Variants in ARHGAP18 observed in about 807,000 individuals in gnomAD.
ARHGAP18 encodes Rho GTPase activating protein 18, also known as rho GTPase-activating protein 18.
A neutral mutation model predicts 86.2 loss-of-function variants in ARHGAP18; 67 were observed. The ratio of observed to expected loss-of-function variants is 0.78; its 90% CI spans 0.64 to 0.95. ARHGAP18 has a LOEUF of 0.95. Ranked by LOEUF, ARHGAP18 falls within the 40% of genes least tolerant of loss-of-function variation. The probability of loss-of-function intolerance (pLI) is 0.00; values close to 1 mark genes in which losing one functional copy is unlikely to be tolerated. For missense variants in ARHGAP18, 691 were observed against 780.4 expected, an observed-to-expected ratio of 0.89 and a Z score of 1.37; for synonymous variants, 283 against 280.4, an observed-to-expected ratio of 1.01 and a Z score of -0.09.
intron 4 of ARHGAP18, among the ~76,000 whole-genome samples, chr6:129,633,199 A>G (rs1194357330): frequency 6.6e-6 from 1 of 151,808 alleles, no homozygotes; most frequent in East Asian, 1.9e-4. Context: ...AGGCCCAGGC[A>G]GGCAGATCAT....
intron 8 of ARHGAP18, 32 bp from the exon 9 acceptor site, chr6:129,608,084 A>AAAG (rs753327682): frequency 4.6e-6 from 7 of 1,524,344 alleles, no homozygotes; most frequent in South Asian, 2.5e-5. Context: ...AAAAAAAAAA[A>AAAG]AAGAAGCAGC....
rs149042112 is a variant in ARHGAP18 at position 129,634,379 on chromosome 6, G to A, written c.553-274C>T. 6.3e-3 allele frequency among the ~76,000 whole-genome samples: 953 copies of A among 152,190 alleles called. 14 individuals carry two copies. Among genetic ancestry groups the A allele is most frequent in the African/African-American group, 0.022 (894 of 41,526 alleles). ...TGTCATCAAGAATGCTACTATGGAG[G>A]GGAGGAGAAAGGACAAACATGTTAA... is the stretch of plus-strand genomic sequence containing the variant. On this transcript the variant is annotated intron_variant, in intron 3 of 14. Coordinates refer to ENST00000368149, the MANE Select transcript of ARHGAP18 (RefSeq NM_033515.3).
intron 1 of ARHGAP18, among the ~76,000 whole-genome samples, chr6:129,706,885 C>CA (rs34099358): frequency 0.025 from 1,524 of 60,860 alleles, 26 homozygotes; most frequent in Non-Finnish European, 0.032. Context: ...GACTCTGTCT[C>CA]AAAAAAAAAA....
Position 129,618,842 on chromosome 6 carries a change from A to G in ARHGAP18, c.797T>C (p.Leu266Ser). 1.9e-6 allele frequency: 3 copies of G among 1,611,778 alleles called. No homozygotes were observed. Among genetic ancestry groups the G allele is most frequent in the East Asian group, 4.5e-5 (2 of 44,852 alleles). Residue 266 changes from leucine (L) to serine (S), a missense_variant, in exon 6 of 15, where the codon TTG becomes TCG. Coordinates refer to ENST00000368149, the MANE Select transcript of ARHGAP18 (RefSeq NM_033515.3). ...GDDATLPSFRLPKDKTGTTRI... is the reference protein window; with the variant it reads ...GDDATLPSFRSPKDKTGTTRI... ...TGTGGTACCCGTTTTGTCTTTTGGC[A>G]ATCTGAAACTCTAAAATAAACATCA...
chr6:129,641,946 A>G lies in ARHGAP18; in HGVS notation c.186T>C (p.Asp62=). 6.2e-7 allele frequency: 1 copy of G among 1,614,022 alleles called. No individual in the cohort carries two copies. The highest frequency in any genetic ancestry group is 1.1e-5 in the South Asian group (1 of 91,082). ...TIKVMEKPPF[D]RSISQDSLDE... is the part of the protein sequence containing the mutation. Reference sequence around the variant, plus strand: ...CCAAAGAATCCTGGGAAATTGATCGATCAAATGGAGGCTTCTCCATAACTT... The same window carrying G: ...CCAAAGAATCCTGGGAAATTGATCGGTCAAATGGAGGCTTCTCCATAACTT... Residue 62 remains aspartate, a synonymous_variant, in exon 2 of 15, where the codon GAT becomes GAC. Transcript: ENST00000368149.
chr6:129,636,388 T>C (rs1773334437), intron 3 of ARHGAP18, among the ~76,000 whole-genome samples: 2 of 152,184 alleles, frequency 1.3e-5, no homozygotes, highest in South Asian at 4.1e-4. Flanking sequence ...ATATAAACCC[T>C]TTCATTCCTT....
chr6:129,641,290 G>A (rs1457213646), intron 2 of ARHGAP18, among the ~76,000 whole-genome samples: 2 of 152,164 alleles, frequency 1.3e-5, no homozygotes, highest in Non-Finnish European at 2.9e-5. Context: ...GTATATGAAA[G>A]GCTATCATGT....
chr6:129,614,522 A>G (rs1383147301), intron 7 of ARHGAP18, among the ~76,000 whole-genome samples: 1 of 152,170 alleles, frequency 6.6e-6, no homozygotes, highest in Non-Finnish European at 1.5e-5. Flanking sequence ...AAAATAACCA[A>G]CTAAATAAAT....
chr6:129,607,043 A>G (rs2114456067), intron 9 of ARHGAP18, among the ~76,000 whole-genome samples: 1 of 152,066 alleles, frequency 6.6e-6, no homozygotes, highest in East Asian at 1.9e-4. Context: ...TATTTTTAGT[A>G]GAAATGGGAT....
chr6:129,664,057 C>A (rs1773997671), intron 1 of ARHGAP18, among the ~76,000 whole-genome samples: 2 of 152,254 alleles, frequency 1.3e-5, no homozygotes, highest in Non-Finnish European at 2.9e-5. Flanking sequence ...GCACAGCCCC[C>A]ACCAATCCCA....
Position 129,618,703 on chromosome 6 carries a change from C to G in ARHGAP18, c.936G>C (p.Val312=). ...CATGATTACCTTTTGTTTTGATTTT[C>G]ACAGCTTTTTGTTGTTTCAGCTCAA... The part of the protein sequence containing the change: ...LGIELKQQKA[V]KIKTKDSGLF... The change falls in exon 6 of 15, where the codon GTG becomes GTC. Residue 312 remains valine (V), a synonymous_variant. Coordinates refer to ENST00000368149, the MANE Select transcript of ARHGAP18 (RefSeq NM_033515.3). 6.2e-7 allele frequency: 1 copy of G among 1,603,786 alleles called. No individual in the cohort carries two copies. The highest frequency in any genetic ancestry group is 1.7e-5 in the Admixed American group (1 of 58,856).
At chr6:129,699,080 A>T (rs892025026) in intron 1 of ARHGAP18, among the ~76,000 whole-genome samples, 9 of 152,076 alleles carry the variant, frequency 5.9e-5, no homozygotes, top group Non-Finnish European at 1.2e-4. Context: ...CTTGCAATCC[A>T]CCAACCTCGG....
chr6:129,614,821 T>C (rs1021258217), intron 7 of ARHGAP18, among the ~76,000 whole-genome samples: 6 of 151,294 alleles, frequency 4.0e-5, no homozygotes, highest in Non-Finnish European at 5.9e-5. Context: ...CTCTCTATAA[T>C]GTAGTGGGCC....
intron 1 of ARHGAP18, among the ~76,000 whole-genome samples, chr6:129,659,821 A>T (rs1435100984): frequency 6.6e-6 from 1 of 152,208 alleles, no homozygotes; most frequent in Non-Finnish European, 1.5e-5. Context: ...ATGGAAGCAC[A>T]TATTAGGGAA....
intron 1 of ARHGAP18, among the ~76,000 whole-genome samples, chr6:129,656,349 C>G (rs1584093937): frequency 6.6e-6 from 1 of 152,290 alleles, no homozygotes; most frequent in East Asian, 1.9e-4. Context: ...TTAAAAATGT[C>G]AGTAGCACAG....
intron 6 of ARHGAP18, among the ~76,000 whole-genome samples, chr6:129,616,879 C>T (rs1211765907): frequency 6.6e-6 from 1 of 152,274 alleles, no homozygotes; most frequent in East Asian, 1.9e-4. Flanking sequence ...TAGCTTGAGC[C>T]TGGGAGGTTG....
At chr6:129,642,334 G>A (rs1489348372) in intron 1 of ARHGAP18, among the ~76,000 whole-genome samples, 1 of 152,124 alleles carries the variant, frequency 6.6e-6, no homozygotes, top group East Asian at 1.9e-4. Flanking sequence ...GCCAAGGTTT[G>A]AGTGCACCAA....
intron 1 of ARHGAP18, among the ~76,000 whole-genome samples, chr6:129,698,996 G>A (rs1774668539): frequency 6.6e-6 from 1 of 151,786 alleles, no homozygotes; most frequent in Non-Finnish European, 1.5e-5. Flanking sequence ...CCGGCCTAAG[G>A]CCTGGCTAAT....
intron 1 of ARHGAP18, among the ~76,000 whole-genome samples, chr6:129,685,620 T>C (rs964520209): frequency 6.6e-6 from 1 of 152,204 alleles, no homozygotes; most frequent in Non-Finnish European, 1.5e-5. Context: ...TTACATATTT[T>C]TCATTAAAAA....
Sources: gnomAD v4.1 joint callset for allele counts (sites outside exome capture counted in the v4.1 genomes callset) on GRCh38, gnomAD v4.1.1 for gene constraint, MANE v1.5 for transcripts, NCBI Gene and HGNC (gene_info 2026-07-23, HGNC 2026-07-21) for gene names.